AKAP11: variants seen among roughly 807,000 people sequenced by gnomAD.
The protein encoded by AKAP11 is A-kinase anchoring protein 11, also known as A-kinase anchor protein 11.
A neutral mutation model predicts 146.1 loss-of-function variants in AKAP11; 36 were observed. That is an observed-to-expected ratio of 0.25 (90% CI 0.19 to 0.33). The LOEUF (loss-of-function observed/expected upper bound fraction) is 0.33, where lower values mean the gene tolerates loss of function less well. Ranked by LOEUF, AKAP11 falls within the 10% of genes least tolerant of loss-of-function variation. The probability of loss-of-function intolerance (pLI) is 1.00; values close to 1 mark genes in which losing one functional copy is unlikely to be tolerated. For synonymous variants in AKAP11, 780 were observed against 786.5 expected (o/e 0.99, Z 0.14); for missense variants, 2,201 against 2,197.0 (o/e 1.00, Z -0.04).
intron 11 of AKAP11, among the ~76,000 whole-genome samples, chr13:42,315,800 G>A (rs1035080882): frequency 3.3e-5 from 5 of 152,118 alleles, no homozygotes; most frequent in African/African-American, 1.2e-4. Flanking sequence ...GAGCTAGATT[G>A]GTCTGGATTT....
intron 4 of AKAP11, 136 bp from the exon 5 acceptor site, chr13:42,295,559 T>G (rs1418821768): frequency 2.5e-6 from 2 of 794,880 alleles, no homozygotes; most frequent in Non-Finnish European, 4.1e-6. Context: ...TATTTTTGGG[T>G]CATCTTTGAA....
intron 9 of AKAP11, among the ~76,000 whole-genome samples, chr13:42,311,228 A>C (rs551343967): frequency 6.6e-6 from 1 of 152,212 alleles, no homozygotes; most frequent in Non-Finnish European, 1.5e-5. Flanking sequence ...CACTGGTTGG[A>C]GTACTCCTGT....
intron 11 of AKAP11, among the ~76,000 whole-genome samples, chr13:42,314,446 TAAAAAAAAAAAAA>T (rs59968668): frequency 3.2e-5 from 4 of 124,780 alleles, no homozygotes; most frequent in Non-Finnish European, 6.6e-5. Context: ...GACTCTGACT[TAAAAAAAAAAAAA>T]AAAAAAAAAA....
chr13:42,318,027 G>A (rs987090736), intron 12 of AKAP11, among the ~76,000 whole-genome samples: 7 of 152,152 alleles, frequency 4.6e-5, no homozygotes, highest in Admixed American at 3.9e-4. Context: ...AGCATTGTGT[G>A]TGTTCCTATG....
intron 3 of AKAP11, among the ~76,000 whole-genome samples, chr13:42,289,657 AT>A (rs1038864931): frequency 1.1e-4 from 16 of 148,618 alleles, no homozygotes; most frequent in South Asian, 4.3e-4. Context: ...GAAATTGGCT[AT>A]TTTTTTTTTA....
intron 1 of AKAP11, among the ~76,000 whole-genome samples, chr13:42,273,800 T>A (rs777145560): frequency 8.5e-5 from 13 of 152,248 alleles, no homozygotes; most frequent in African/African-American, 1.7e-4. Flanking sequence ...TTAATTTTTT[T>A]ATTTTTTAAT....
At position 42,323,200 on chromosome 13, in the gene AKAP11, A is replaced by G. The variant is rs568329802; in HGVS notation, c.*3972A>G. The G allele has an allele frequency of 3.9e-5, 6 of 152,904 alleles. No homozygotes were observed. Among genetic ancestry groups the G allele is most frequent in the Admixed American group, 2.6e-4 (4 of 15,300 alleles). The allele number at this position is 152,904 out of a possible 1,614,324, so 9.5% of individuals were successfully genotyped here. On this transcript the variant is annotated 3_prime_UTR_variant, in exon 13 of 13. Coordinates refer to ENST00000025301, the MANE Select transcript of AKAP11 (RefSeq NM_016248.4). ...CAATTAATTGTTCTTTTATCTTACA[A>G]TTGTTTAAGCCTGTGATCTTTCTTC... is the stretch of plus-strand genomic sequence containing the variant.
intron 9 of AKAP11, among the ~76,000 whole-genome samples, chr13:42,309,731 T>G (rs1960457452): frequency 1.3e-5 from 2 of 152,202 alleles, no homozygotes; most frequent in African/African-American, 4.8e-5. Context: ...ATTTGGCCCT[T>G]TTCTATAACT....
Position 42,301,257 on chromosome 13 carries a change from T to C in AKAP11, c.2511T>C (p.Cys837=). The change falls in exon 8 of 13, where the codon TGT becomes TGC. Residue 837 remains cysteine, a synonymous_variant. Transcript: ENST00000025301. The stretch of plus-strand genomic sequence containing the variant: ...AAGCAGCTTGTCTCAGAAATATTTG[T>C]TTACCTTCAGAACACAATCCAGGTA... ...EEKAACLRNI[C]LPSEHNPGNQ... is the part of the protein sequence containing the mutation. 6.2e-7 allele frequency: 1 copy of C among 1,613,966 alleles called. No homozygotes were observed. The highest frequency in any genetic ancestry group is 1.7e-4 in the Middle Eastern group (1 of 6,060).
At position 42,286,301 on chromosome 13, in the gene AKAP11, T is replaced by G; in HGVS notation, c.-48T>G. 8.0e-7 allele frequency: 1 copy of G among 1,256,140 alleles called. No individual in the cohort carries two copies. Among genetic ancestry groups the G allele is most frequent in the Non-Finnish European group, 1.1e-6 (1 of 894,098 alleles). The allele number at this position is 1,256,140 out of a possible 1,614,324, so 77.8% of individuals were successfully genotyped here. A position where few individuals can be genotyped will look rare whatever the true frequency, so the allele number is the denominator to read the frequency against. On this transcript the variant is annotated splice_region_variant and 5_prime_UTR_variant, in exon 3 of 13. Coordinates refer to ENST00000025301, the MANE Select transcript of AKAP11 (RefSeq NM_016248.4). Reference sequence around the variant, plus strand: ...GTTGTTTTAATATGTTTTCTTTAGGTGTTTTGTGGATTAACTCTTCATTGA... The same window carrying G: ...GTTGTTTTAATATGTTTTCTTTAGGGGTTTTGTGGATTAACTCTTCATTGA...
intron 2 of AKAP11, 49 bp from the exon 3 acceptor site, chr13:42,286,251 C>T (rs1202934309): frequency 4.3e-6 from 3 of 699,028 alleles, no homozygotes; most frequent in Non-Finnish European, 4.5e-6. Context: ...AAATGCTTGC[C>T]TGAATTGTTA....
rs149731509 is a variant in AKAP11, at chr13:42,303,252, C to T, written c.4506C>T (p.His1502=). ...GATATGAAGAAGATAATGAGTGTCA[C>T]GTTACACCAGAATTGCCTAAGTCTC... The part of the protein sequence containing the change: ...KSGYEEDNEC[H]VTPELPKSLQ... The change falls in exon 8 of 13, where the codon CAC becomes CAT. Residue 1502 remains histidine, a synonymous_variant. Coordinates refer to ENST00000025301, the MANE Select transcript of AKAP11 (RefSeq NM_016248.4). The T allele has an allele frequency of 2.4e-4, 393 of 1,613,794 alleles. No individual in the cohort carries two copies. In the African/African-American group the frequency reaches 4.6e-3, roughly 19 times the overall value.
At chr13:42,281,839 C>T (rs952409768) in intron 1 of AKAP11, among the ~76,000 whole-genome samples, 1 of 152,038 alleles carries the variant, frequency 6.6e-6, no homozygotes, top group African/African-American at 2.4e-5. Flanking sequence ...AGATAGATGA[C>T]ATTTTATAAA....
intron 11 of AKAP11, among the ~76,000 whole-genome samples, chr13:42,314,192 C>G (rs963278222): frequency 1.3e-5 from 2 of 152,118 alleles, no homozygotes; most frequent in Non-Finnish European, 2.9e-5. Context: ...CGCCTATAAT[C>G]CCAGCATTTT....
rs1195155713 is a variant in AKAP11, at chr13:42,290,257, T to A, written c.52-2128T>A. ...TAGAATATTTTTATATTTGGGTTCA[T>A]TTGTTTTTCCCTGTAATTAGATTCA... On this transcript the variant is annotated intron_variant, in intron 3 of 12. Transcript: ENST00000025301. Among the ~76,000 whole-genome samples, 10 of 152,312 alleles carry A rather than the reference T, an allele frequency of 6.6e-5. No individual in the cohort carries two copies. In the South Asian group the frequency reaches 1.2e-3, roughly 19 times the overall value.
In AKAP11 at chr13:42,302,662, A is replaced by G. The variant is rs780888679; in HGVS notation, c.3916A>G (p.Ile1306Val). 25 of 1,614,066 alleles carry G rather than the reference A, an allele frequency of 1.5e-5. No homozygotes were observed. The highest frequency in any genetic ancestry group is 1.2e-4 in the Admixed American group (7 of 60,002). Residue 1306 changes from isoleucine to valine, a missense_variant, in exon 8 of 13, where the codon ATA (isoleucine) becomes GTA (valine). Around this residue, in one of 3 missense-constraint regions of AKAP11, gnomAD observed 1,867 missense variants for 1,833.5 expected, o/e 1.02. Transcript: ENST00000025301. The part of the protein sequence containing the change: ...EDYKVEEKLD[I>V]EAVVHPREVD... ...TTATAAAGTAGAAGAGAAGTTGGAT[A>G]TAGAGGCTGTAGTGCACCCAAGAGA...
At chr13:42,306,653 A>G (rs1242255321) in intron 8 of AKAP11, among the ~76,000 whole-genome samples, 3 of 152,130 alleles carry the variant, frequency 2.0e-5, no homozygotes, top group Admixed American at 2.0e-4. Context: ...TTTTATTTCT[A>G]AAGTTAAATT....
chr13:42,296,958 C>T (rs1442113450), intron 5 of AKAP11, 90 bp from the exon 6 acceptor site: 1 of 1,131,304 alleles, frequency 8.8e-7, no homozygotes, highest in African/African-American at 1.6e-5. Context: ...AGCCAGTAGA[C>T]CTTAAAATTT....
chr13:42,308,102 G>T (rs2138655714), intron 8 of AKAP11, among the ~76,000 whole-genome samples: 1 of 152,276 alleles, frequency 6.6e-6, no homozygotes, highest in South Asian at 2.1e-4. Context: ...TAAAAGTACT[G>T]TTTTACAAAG....
Sources: allele counts gnomAD v4.1 joint callset (sites outside exome capture counted in the v4.1 genomes callset), GRCh38; gene constraint gnomAD v4.1.1; regional missense constraint gnomAD v4.1.1; transcripts MANE v1.5; gene names NCBI Gene and HGNC (gene_info 2026-07-23, HGNC 2026-07-21).